The following BMPR1B variants were observed in gnomAD, a reference collection of about 807,000 sequenced individuals.
BMPR1B encodes bone morphogenetic protein receptor type-1B.
A neutral mutation model predicts 59.1 loss-of-function variants in BMPR1B; 12 were observed. The observed-to-expected ratio is 0.20, with a 90% confidence interval of 0.13 to 0.33. BMPR1B has a LOEUF of 0.33. Ranked by LOEUF, BMPR1B falls within the 10% of genes least tolerant of loss-of-function variation. BMPR1B has a pLI of 1.00. For synonymous variants in BMPR1B, 237 were observed against 207.3 expected, an observed-to-expected ratio of 1.14 and a Z score of -1.23; for missense variants, 550 against 610.9, an observed-to-expected ratio of 0.90 and a Z score of 1.05.
At chr4:95,122,484 T>C (rs1732602126) in intron 6 of BMPR1B, among the ~76,000 whole-genome samples, 1 of 152,178 alleles carries the variant, frequency 6.6e-6, no homozygotes, top group Non-Finnish European at 1.5e-5. Context: ...TAAAATATTA[T>C]AATTATGTGT....
intron 1 of BMPR1B, among the ~76,000 whole-genome samples, chr4:94,778,237 A>G (rs1722457060): frequency 6.6e-6 from 1 of 151,974 alleles, no homozygotes; most frequent in African/African-American, 2.4e-5. Flanking sequence ...CACTAACCTG[A>G]GTTTTATGTT....
chr4:94,857,668 A>G (rs1218805361), intron 1 of BMPR1B, among the ~76,000 whole-genome samples: 1 of 152,182 alleles, frequency 6.6e-6, no homozygotes, highest in Non-Finnish European at 1.5e-5. Context: ...ATTTATTATG[A>G]CTTACTTCCC....
chr4:95,111,333 C>T (rs971373368), intron 4 of BMPR1B, among the ~76,000 whole-genome samples: 37 of 152,022 alleles, frequency 2.4e-4, no homozygotes, highest in Non-Finnish European at 1.0e-4. Context: ...ACTGTGGTGG[C>T]TATATGAACA....
At chr4:95,138,329 T>C (rs1295836637) in intron 10 of BMPR1B, among the ~76,000 whole-genome samples, 1 of 152,228 alleles carries the variant, frequency 6.6e-6, no homozygotes, top group African/African-American at 2.4e-5. Context: ...TCTCTCTGAC[T>C]GCCCTTAACA....
intron 2 of BMPR1B, among the ~76,000 whole-genome samples, chr4:94,970,085 C>A (rs558869329): frequency 1.3e-4 from 19 of 151,914 alleles, no homozygotes; most frequent in Admixed American, 5.9e-4. Flanking sequence ...TGTTATATAT[C>A]TTGTTTTATT....
In BMPR1B at chr4:95,027,600, G is replaced by C. The variant is rs1441509344; in HGVS notation, c.-18+31466G>C. 2.6e-5 allele frequency among the ~76,000 whole-genome samples: 4 copies of C among 152,060 alleles called. No homozygotes were observed. The East Asian group carries it at 7.7e-4, about 29-fold the overall frequency. ...CAACTTAACAATCATAAACTTACTT[G>C]CTACCTATATTTCAAGGTACTTTCC... On this transcript the variant is annotated intron_variant, in intron 3 of 12. Coordinates refer to ENST00000515059, the MANE Select transcript of BMPR1B (RefSeq NM_001203.3).
chr4:95,041,336 A>T (rs1231094706), intron 3 of BMPR1B, among the ~76,000 whole-genome samples: 1 of 152,076 alleles, frequency 6.6e-6, no homozygotes, highest in Non-Finnish European at 1.5e-5. Flanking sequence ...GGTGTGAGCC[A>T]CCACGCGTGG....
At chr4:95,105,962 A>G (rs1421681833) in intron 4 of BMPR1B, among the ~76,000 whole-genome samples, 3 of 151,916 alleles carry the variant, frequency 2.0e-5, no homozygotes, top group African/African-American at 2.4e-5. Flanking sequence ...CATTTGAGCT[A>G]TTGTCCTGGT....
At chr4:94,979,134 C>T (rs532817770) in intron 2 of BMPR1B, among the ~76,000 whole-genome samples, 202 of 152,224 alleles carry the variant, frequency 1.3e-3, no homozygotes, top group African/African-American at 4.3e-3. Context: ...TTACCTCCCA[C>T]GGGGTCCCTT....
rs1318272839 is a variant in BMPR1B, at chr4:94,811,335, GC to G, written c.-183+53268del. ...GAAACCTACTGAAGGCAAAGAAAGAGCAGGGAATTTGCACTTTGGAGGCTCT... is the reference window on the plus strand; with the variant it reads ...GAAACCTACTGAAGGCAAAGAAAGAGAGGGAATTTGCACTTTGGAGGCTCT... On this transcript the variant is annotated intron_variant, in intron 1 of 12. Transcript: ENST00000515059. Among the ~76,000 whole-genome samples the G allele has an allele frequency of 2.0e-5, 3 of 152,226 alleles. No individual in the cohort carries two copies. In the East Asian group the frequency reaches 5.8e-4, roughly 30 times the overall value.
At chr4:94,775,231 C>G (rs554131996) in intron 1 of BMPR1B, among the ~76,000 whole-genome samples, 1 of 152,240 alleles carries the variant, frequency 6.6e-6, no homozygotes, top group Admixed American at 6.5e-5. Context: ...CACTCTTGTT[C>G]TTTATTTTTA....
chr4:94,882,842 A>G (rs1452478900), intron 2 of BMPR1B, among the ~76,000 whole-genome samples: 1 of 152,210 alleles, frequency 6.6e-6, no homozygotes, highest in Non-Finnish European at 1.5e-5. Flanking sequence ...TTACAACATT[A>G]TCATTGCTCT....
At chr4:94,864,704 CTT>C (rs760386705) in intron 1 of BMPR1B, among the ~76,000 whole-genome samples, 1 of 152,086 alleles carries the variant, frequency 6.6e-6, no homozygotes, top group Non-Finnish European at 1.5e-5. Context: ...AAGGTAAAAA[CTT>C]TTAATACCCA....
chr4:94,949,473 C>G lies in BMPR1B; in HGVS notation c.-112-46567C>G, dbSNP rs534624997. 4.7e-5 allele frequency among the ~76,000 whole-genome samples: 5 copies of G among 106,790 alleles called. 1 individual carries two copies. In the South Asian group the frequency reaches 1.8e-3, roughly 39 times the overall value. 70.1% of individuals were successfully genotyped at this position (106,790 alleles called of 152,430 possible). A position where few individuals can be genotyped will look rare whatever the true frequency, so the allele number is the denominator to read the frequency against. ...CTGGGACTACAGGCGCCTGCCACCG[C>G]GCCCGGCTGATTTTTTGTATTTTTA... is the stretch of plus-strand genomic sequence containing the variant. On this transcript the variant is annotated intron_variant, in intron 2 of 12. Transcript: ENST00000515059.
Position 94,959,145 on chromosome 4 carries a change from T to A in BMPR1B, c.-112-36895T>A, listed in dbSNP as rs1335913066. On this transcript the variant is annotated intron_variant, in intron 2 of 12. Transcript: ENST00000515059. Reference sequence around the variant, plus strand: ...GTGATGGGGAGTCCATATTAAAGATTACAGAACTGGAGGGGGACGCAGAAA... The same window carrying A: ...GTGATGGGGAGTCCATATTAAAGATAACAGAACTGGAGGGGGACGCAGAAA... Among the ~76,000 whole-genome samples the A allele has an allele frequency of 2.6e-5, 4 of 152,260 alleles. No homozygotes were observed. In the South Asian group the frequency reaches 8.3e-4, roughly 32 times the overall value.
chr4:95,005,715 A>AT (rs566685670), intron 3 of BMPR1B, among the ~76,000 whole-genome samples: 85 of 149,774 alleles, frequency 5.7e-4, no homozygotes, highest in South Asian at 1.9e-3. Flanking sequence ...TTGTTAACTG[A>AT]TTTTTTTTTT....
At chr4:94,959,244 C>T (rs1020389288) in intron 2 of BMPR1B, among the ~76,000 whole-genome samples, 1 of 152,136 alleles carries the variant, frequency 6.6e-6, no homozygotes, top group Non-Finnish European at 1.5e-5. Flanking sequence ...TTACACATGA[C>T]TTGTGGAATG....
At chr4:94,826,565 CTTTTTT>C (rs955065396) in intron 1 of BMPR1B, among the ~76,000 whole-genome samples, 1 of 148,930 alleles carries the variant, frequency 6.7e-6, no homozygotes, top group Non-Finnish European at 1.5e-5. Context: ...TTTTACAAGA[CTTTTTT>C]TTTTATTCAA....
At chr4:94,937,372 A>G (rs1463308063) in intron 2 of BMPR1B, among the ~76,000 whole-genome samples, 1 of 152,040 alleles carries the variant, frequency 6.6e-6, no homozygotes, top group African/African-American at 2.4e-5. Flanking sequence ...TACCCCTTAA[A>G]ATGTTTGTTT....
Sources: allele counts gnomAD v4.1 joint callset (sites outside exome capture counted in the v4.1 genomes callset), GRCh38; gene constraint gnomAD v4.1.1; transcripts MANE v1.5; gene names NCBI Gene and HGNC (gene_info 2026-07-23, HGNC 2026-07-21).